Variants in FAM234B observed in about 807,000 individuals in gnomAD.
FAM234B encodes family with sequence similarity 234 member B.
A neutral mutation model predicts 69.3 loss-of-function variants in FAM234B; 33 were observed. That is an observed-to-expected ratio of 0.48 (90% CI 0.36 to 0.64). The LOEUF is 0.64. FAM234B is among the 30% of genes least tolerant of loss of function. The pLI, the probability that FAM234B is intolerant of heterozygous loss-of-function variation, is 0.00. For missense variants in FAM234B, 697 were observed against 769.7 expected (o/e 0.91, Z 1.12); for synonymous variants, 306 against 306.9 (o/e 1.00, Z 0.03).
intron 11 of FAM234B, among the ~76,000 whole-genome samples, chr12:13,077,391 G>A (rs1489378616): frequency 6.7e-6 from 1 of 149,984 alleles, no homozygotes; most frequent in Non-Finnish European, 1.5e-5. Flanking sequence ...TCTAGCATTA[G>A]GTATATCTCC....
rs796091224 is a variant in FAM234B at position 13,082,538 on chromosome 12, C to A, written c.*1908C>A. On this transcript the variant is annotated 3_prime_UTR_variant, in exon 13 of 13. Coordinates refer to ENST00000197268, the MANE Select transcript of FAM234B (RefSeq NM_020853.2). ...TTGACTTTGGAGGAATAAGAAGATA[C>A]TTCTAGAGTATGGGAATGATTCCAG... The A allele has an allele frequency of 2.0e-5, 3 of 152,330 alleles. No individual in the cohort carries two copies. Among genetic ancestry groups the A allele is most frequent in the African/African-American group, 7.2e-5 (3 of 41,574 alleles). The allele number at this position is 152,330 out of a possible 1,614,324, so 9.4% of individuals were successfully genotyped here.
chr12:13,065,135 C>T (rs1338580848), intron 5 of FAM234B, among the ~76,000 whole-genome samples: 1 of 152,218 alleles, frequency 6.6e-6, no homozygotes, highest in Non-Finnish European at 1.5e-5. Context: ...CTGTCCTAAG[C>T]AGAAAGAAAT....
intron 6 of FAM234B, 174 bp from the exon 7 acceptor site, chr12:13,066,981 G>A (rs1865046330): frequency 1.1e-6 from 1 of 914,926 alleles, no homozygotes; most frequent in Non-Finnish European, 1.6e-6. Context: ...CCTCTGAAGG[G>A]AAGACTCTTG....
chr12:13,066,521 C>A, intron 5 of FAM234B, 119 bp from the exon 6 acceptor site: 1 of 1,140,568 alleles, frequency 8.8e-7, no homozygotes, highest in Non-Finnish European at 1.2e-6. Context: ...TGCTTTCCAA[C>A]TTGGGGGAGT....
At chr12:13,076,189 G>A in intron 11 of FAM234B, 46 bp downstream of exon 11, 1 of 1,395,240 alleles carries the variant, frequency 7.2e-7, no homozygotes, top group Non-Finnish European at 1.0e-6. Flanking sequence ...GATGGTGGGA[G>A]AGTATGTGTT....
Position 13,068,644 on chromosome 12 carries a change from G to T in FAM234B, c.1301G>T (p.Gly434Val), listed in dbSNP as rs1865068192. Residue 434 changes from glycine to valine, a missense_variant, in exon 9 of 13, where the codon GGA becomes GTA. By Grantham distance (109) the Gly-to-Val change is moderately radical. This residue lies in a region of FAM234B where 313 missense variants were observed against 305.5 expected (regional missense o/e 1.02). Coordinates refer to ENST00000197268, the MANE Select transcript of FAM234B (RefSeq NM_020853.2). ...LQGLRSQPTP[G>V]YFTDDQTLDF... Reference sequence around the variant, plus strand: ...CTTATTTGCAGCCAGCCTACTCCTGGATATTTCACTGATGATCAGACATTA... The same window carrying T: ...CTTATTTGCAGCCAGCCTACTCCTGTATATTTCACTGATGATCAGACATTA... 1 of 1,612,324 alleles carries T rather than the reference G, an allele frequency of 6.2e-7. No individual in the cohort carries two copies. Among genetic ancestry groups the T allele is most frequent in the African/African-American group, 1.3e-5 (1 of 74,860 alleles).
At chr12:13,060,082 C>A (rs888575660) in intron 3 of FAM234B, among the ~76,000 whole-genome samples, 4 of 152,146 alleles carry the variant, frequency 2.6e-5, no homozygotes, top group Admixed American at 2.6e-4. Context: ...GTGAAGTAGA[C>A]CCATTATTAT....
Position 13,067,885 on chromosome 12 carries a change from A to G in FAM234B, c.1143-419A>G, listed in dbSNP as rs1865057656. ...TTGGTGACTTTGACAGGTATGAAGTAGAATGGTCCCAGTGGCACTGAGCAA... is the reference window on the plus strand; with the variant it reads ...TTGGTGACTTTGACAGGTATGAAGTGGAATGGTCCCAGTGGCACTGAGCAA... On this transcript the variant is annotated intron_variant, in intron 7 of 12. Transcript: ENST00000197268. The surrounding 1 kb of genome is among the most constrained non-coding windows in gnomAD (Gnocchi z 4.7). Among the ~76,000 whole-genome samples the G allele has an allele frequency of 6.6e-6, 1 of 152,218 alleles. No homozygotes were observed. The highest frequency in any genetic ancestry group is 1.5e-5 in the Non-Finnish European group (1 of 68,040).
intron 1 of FAM234B, among the ~76,000 whole-genome samples, chr12:13,049,517 A>G (rs918475193): frequency 2.0e-5 from 3 of 152,232 alleles, no homozygotes; most frequent in Admixed American, 6.5e-5. Context: ...AGAGTGTAGG[A>G]TAAGTGTTCA....
intron 3 of FAM234B, 67 bp downstream of exon 3, chr12:13,058,616 G>A: frequency 7.6e-7 from 1 of 1,320,350 alleles, no homozygotes; most frequent in Admixed American, 1.7e-5. Flanking sequence ...CATCAGAGCT[G>A]TGTCCCAAGT....
At chr12:13,057,552 G>A (rs1254731724) in intron 2 of FAM234B, among the ~76,000 whole-genome samples, 2 of 152,048 alleles carry the variant, frequency 1.3e-5, no homozygotes, top group Admixed American at 6.5e-5. Flanking sequence ...CATAAACCTA[G>A]GAGTAAAATT....
intron 10 of FAM234B, among the ~76,000 whole-genome samples, chr12:13,073,366 A>T (rs1443113490): frequency 2.0e-5 from 3 of 152,162 alleles, no homozygotes; most frequent in Non-Finnish European, 4.4e-5. Flanking sequence ...TTGAAGACTG[A>T]CACTCAGGCC....
intron 4 of FAM234B, chr12:13,062,557 G>A (rs909488376): frequency 4.9e-5 from 13 of 263,016 alleles, no homozygotes; most frequent in Admixed American, 2.0e-4. Flanking sequence ...CTCACCCCAG[G>A]CAAGTGAGCC....
intron 1 of FAM234B, among the ~76,000 whole-genome samples, chr12:13,049,880 A>G (rs1040906961): frequency 5.9e-5 from 9 of 152,120 alleles, no homozygotes; most frequent in African/African-American, 9.7e-5. Flanking sequence ...TGGAATGAGT[A>G]CTAAACATGG....
intron 10 of FAM234B, 52 bp downstream of exon 10, chr12:13,071,448 G>A (rs773610689): frequency 2.6e-6 from 4 of 1,516,832 alleles, no homozygotes; most frequent in Non-Finnish European, 3.7e-6. Flanking sequence ...GGCAGCTGCT[G>A]TGCAGGGCTG....
chr12:13,055,242 A>G (rs1864915939), intron 1 of FAM234B, among the ~76,000 whole-genome samples: 2 of 152,242 alleles, frequency 1.3e-5, no homozygotes, highest in Non-Finnish European at 2.9e-5. Flanking sequence ...AGATTCAAAC[A>G]CATTAAGAGA....
At chr12:13,061,802 A>T (rs766141164) in intron 4 of FAM234B, 39 bp downstream of exon 4, 22 of 1,581,324 alleles carry the variant, frequency 1.4e-5, no homozygotes, top group Middle Eastern at 3.3e-4. Context: ...TGCTCCTACG[A>T]GCCATACTTT....
intron 1 of FAM234B, among the ~76,000 whole-genome samples, chr12:13,046,274 C>G (rs990973793): frequency 3.9e-5 from 6 of 152,186 alleles, no homozygotes; most frequent in Admixed American, 3.9e-4. Context: ...TTGTCTCCTT[C>G]TTGCCCTTTC....
chr12:13,048,037 A>G lies in FAM234B; in HGVS notation c.37+3597A>G, dbSNP rs190861678. On this transcript the variant is annotated intron_variant, in intron 1 of 12. Coordinates refer to ENST00000197268, the MANE Select transcript of FAM234B (RefSeq NM_020853.2). ...GTATCTGAAAAAAAAATTAGTATAA[A>G]AGTATTTATTCCTCTCAAAAGGCTG... Among the ~76,000 whole-genome samples the G allele has an allele frequency of 3.5e-3, 530 of 152,286 alleles. 6 individuals are homozygous for G. The highest frequency in any genetic ancestry group is 0.012 in the African/African-American group (499 of 41,568).
Sources: allele counts gnomAD v4.1 joint callset (sites outside exome capture counted in the v4.1 genomes callset), GRCh38; gene constraint gnomAD v4.1.1; regional missense constraint gnomAD v4.1.1; non-coding constraint Gnocchi (gnomAD v3.1); transcripts MANE v1.5; gene names NCBI Gene and HGNC (gene_info 2026-07-23, HGNC 2026-07-21).